The following UGP2 variants were observed in gnomAD, a reference collection of about 807,000 sequenced individuals.
UGP2 encodes the protein UDP-glucose pyrophosphorylase 2.
Under a neutral mutation model 49.0 loss-of-function variants are expected in UGP2, and 40 were observed. The ratio of observed to expected loss-of-function variants is 0.82; its 90% CI spans 0.63 to 1.06. The LOEUF is 1.06. Among genes scored for constraint, UGP2 ranks in the 50% least tolerant of loss-of-function variants. The pLI is 0.00. For synonymous variants in UGP2, 225 were observed against 213.0 expected, an observed-to-expected ratio of 1.06 and a Z score of -0.49; for missense variants, 460 against 603.5, an observed-to-expected ratio of 0.76 and a Z score of 2.49.
chr2:63,854,617 A>G (rs1042701692), intron 1 of UGP2, among the ~76,000 whole-genome samples: 2 of 152,044 alleles, frequency 1.3e-5, no homozygotes, highest in African/African-American at 4.8e-5. Flanking sequence ...TTGTCTAAGC[A>G]CTCTTCCTTA....
At chr2:63,884,591 C>T (rs996862890) in intron 5 of UGP2, among the ~76,000 whole-genome samples, 5 of 152,102 alleles carry the variant, frequency 3.3e-5, no homozygotes, top group Non-Finnish European at 7.4e-5. Flanking sequence ...AAGGGATGGA[C>T]ATCAGTCCAC....
chr2:63,843,848 A>G (rs1671747049), intron 1 of UGP2, among the ~76,000 whole-genome samples: 1 of 152,172 alleles, frequency 6.6e-6, no homozygotes, highest in African/African-American at 2.4e-5. Context: ...AAGATACCAG[A>G]TTGCACTTAG....
chr2:63,882,920 A>G (rs916795544), intron 4 of UGP2, among the ~76,000 whole-genome samples: 16 of 152,070 alleles, frequency 1.1e-4, no homozygotes, highest in Non-Finnish European at 2.1e-4. Flanking sequence ...TGCTCTACCC[A>G]CTTTCTTTCT....
At chr2:63,877,465 C>A (rs1670982667) in intron 3 of UGP2, among the ~76,000 whole-genome samples, 1 of 152,306 alleles carries the variant, frequency 6.6e-6, no homozygotes, top group South Asian at 2.1e-4. Context: ...TTTCTGAATA[C>A]TTTCTCATTT....
At chr2:63,861,345 C>T (rs1310377303) in intron 3 of UGP2, among the ~76,000 whole-genome samples, 1 of 151,940 alleles carries the variant, frequency 6.6e-6, no homozygotes, top group Admixed American at 6.6e-5. Context: ...CGAGGAAGTA[C>T]GGGGCCTGTT....
At chr2:63,851,785 G>A (rs1669057943) in intron 1 of UGP2, among the ~76,000 whole-genome samples, 1 of 152,106 alleles carries the variant, frequency 6.6e-6, no homozygotes, top group African/African-American at 2.4e-5. Flanking sequence ...CATAAATCCT[G>A]AAGTAGGATA....
intron 3 of UGP2, among the ~76,000 whole-genome samples, chr2:63,880,143 C>T (rs1403661346): frequency 1.3e-5 from 2 of 151,084 alleles, no homozygotes; most frequent in Non-Finnish European, 3.0e-5. Flanking sequence ...CCTTCCTCTC[C>T]TCTCCCCTCT....
chr2:63,860,616 A>G (rs1195897812), intron 3 of UGP2, among the ~76,000 whole-genome samples: 1 of 151,822 alleles, frequency 6.6e-6, no homozygotes, highest in Non-Finnish European at 1.5e-5. Flanking sequence ...TCTTTTAGAG[A>G]TGAGGTCTTG....
At position 63,886,285 on chromosome 2, in the gene UGP2, C is replaced by CA. The variant is rs1671666118; in HGVS notation, c.874-49dup. ...TGTATAATCACTATCTTTGTATTTA[C>CA]AAAAAAATGCACTTGAGACTGATGT... On this transcript the variant is annotated intron_variant, in intron 6 of 9. Transcript: ENST00000337130. The CA allele has an allele frequency of 7.2e-6, 11 of 1,535,710 alleles. No homozygotes were observed. The East Asian group carries it at 9.1e-5, about 13-fold the overall frequency.
chr2:63,874,540 G>A (rs1030544101), intron 3 of UGP2, among the ~76,000 whole-genome samples: 1 of 152,158 alleles, frequency 6.6e-6, no homozygotes, highest in Non-Finnish European at 1.5e-5. Context: ...AACAGAGTAT[G>A]GTGTTTCATA....
chr2:63,882,698 G>GT (rs1484449318), intron 4 of UGP2, 47 bp downstream of exon 4: 12 of 1,436,616 alleles, frequency 8.4e-6, no homozygotes, highest in Non-Finnish European at 1.0e-5. Context: ...ATAGTTTTTA[G>GT]TTTTTAAGTT....
At chr2:63,874,427 T>C (rs1670769626) in intron 3 of UGP2, among the ~76,000 whole-genome samples, 1 of 152,070 alleles carries the variant, frequency 6.6e-6, no homozygotes, top group South Asian at 2.1e-4. Flanking sequence ...AGCAGCCGAG[T>C]ATGTTATATT....
At chr2:63,861,598 A>C (rs1669850396) in intron 3 of UGP2, among the ~76,000 whole-genome samples, 1 of 150,902 alleles carries the variant, frequency 6.6e-6, no homozygotes, top group African/African-American at 2.4e-5. Flanking sequence ...TGAGGTAGGA[A>C]GATCACTTGA....
At chr2:63,848,660 C>T (rs1668833400) in intron 1 of UGP2, among the ~76,000 whole-genome samples, 1 of 152,224 alleles carries the variant, frequency 6.6e-6, no homozygotes, top group South Asian at 2.1e-4. Flanking sequence ...CTGCGCCCAG[C>T]CAATTCTTAG....
intron 3 of UGP2, among the ~76,000 whole-genome samples, chr2:63,879,903 C>A (rs754579746): frequency 2.6e-5 from 4 of 151,936 alleles, no homozygotes; most frequent in Admixed American, 6.6e-5. Flanking sequence ...AAAATTTTAC[C>A]TAAAATGAAT....
In UGP2 at chr2:63,884,044, CAGA is replaced by C; in HGVS notation, c.529_531del (p.Lys177del). On this transcript the variant is annotated inframe_deletion, in exon 5 of 10. Transcript: ENST00000337130. ...GGATGAAGATACCAAAAAAATACTA[CAGA>C]AGTACAATCATTGTCGTGTGAAAAT... is the stretch of plus-strand genomic sequence containing the variant. 1 of 1,613,136 alleles carries C rather than the reference CAGA, an allele frequency of 6.2e-7. No individual in the cohort carries two copies. The highest frequency in any genetic ancestry group is 2.2e-5 in the East Asian group (1 of 44,778).
intron 9 of UGP2, 44 bp from the exon 10 acceptor site, chr2:63,891,076 C>T: frequency 1.3e-6 from 2 of 1,526,350 alleles, no homozygotes; most frequent in South Asian, 2.3e-5. Context: ...AATCAAATTG[C>T]ATTTCAGTTG....
At chr2:63,873,407 TG>T (rs1384493870) in intron 3 of UGP2, among the ~76,000 whole-genome samples, 6 of 152,316 alleles carry the variant, frequency 3.9e-5, no homozygotes, top group Non-Finnish European at 8.8e-5. Context: ...GAATGACTTC[TG>T]TTACTAAGAT....
Position 63,857,480 on chromosome 2 carries a change from C to G in UGP2, c.148-349C>G, listed in dbSNP as rs1442833706. On this transcript the variant is annotated intron_variant, in intron 2 of 9. Transcript: ENST00000337130. ...CTGGGCTCAAGTGATCCTCCCACCT[C>G]AGCCCCCGAGTAGGTGAGACTACAG... The G allele has an allele frequency of 7.7e-6, 3 of 391,718 alleles. No homozygotes were observed. The Admixed American group carries it at 8.3e-5, about 11-fold the overall frequency. 24.3% of individuals were successfully genotyped at this position (391,718 alleles called of 1,614,324 possible).
Sources: gnomAD v4.1 joint callset for allele counts (sites outside exome capture counted in the v4.1 genomes callset) on GRCh38, gnomAD v4.1.1 for gene constraint, MANE v1.5 for transcripts, NCBI Gene and HGNC (gene_info 2026-07-23, HGNC 2026-07-21) for gene names.